NOP56: variants seen among roughly 807,000 people sequenced by gnomAD.
NOP56 encodes NOP56 ribonucleoprotein, also known as nucleolar protein 56.
In NOP56, 31 loss-of-function variants were observed where a neutral mutation model predicts 58.3. That is an observed-to-expected ratio of 0.53 (90% CI 0.40 to 0.72). The LOEUF is 0.72. NOP56 is among the 30% of genes least tolerant of loss of function. The pLI, the probability that NOP56 is intolerant of heterozygous loss-of-function variation, is 0.00. For missense variants in NOP56, 669 were observed against 739.9 expected (o/e 0.90, Z 1.11); for synonymous variants, 313 against 282.8 (o/e 1.11, Z -1.07).
intron 5 of NOP56, 141 bp downstream of exon 5, chr20:2,655,088 G>A (rs776725967): frequency 3.5e-6 from 4 of 1,135,874 alleles, no homozygotes; most frequent in Non-Finnish European, 5.3e-6. Context: ...GCTTACCACA[G>A]GCTGTGTTCT....
Position 2,657,235 on chromosome 20 carries a change from G to A in NOP56, c.1419+17G>A, listed in dbSNP as rs376140077. 10 of 1,613,820 alleles carry A rather than the reference G, an allele frequency of 6.2e-6. No homozygotes were observed. The highest frequency in any genetic ancestry group is 2.2e-5 in the East Asian group (1 of 44,898). On this transcript the variant is annotated intron_variant, in intron 11 of 11. Coordinates refer to ENST00000329276, the MANE Select transcript of NOP56 (RefSeq NM_006392.4). Reference sequence around the variant, plus strand: ...GAGTGTGAGGTCAGTAGGCAGCACGGCCCTGGCAGAGATCCTAGGTTGTAG... The same window carrying A: ...GAGTGTGAGGTCAGTAGGCAGCACGACCCTGGCAGAGATCCTAGGTTGTAG...
Position 2,652,842 on chromosome 20 carries a change from G to A in NOP56, c.4G>A (p.Val2Met). 1 of 1,610,552 alleles carries A rather than the reference G, an allele frequency of 6.2e-7. No individual in the cohort carries two copies. The highest frequency in any genetic ancestry group is 1.1e-5 in the South Asian group (1 of 90,754). Residue 2 changes from valine to methionine, a missense_variant and splice_region_variant, in exon 2 of 12, where the codon GTG becomes ATG. Around this residue, in one of 3 missense-constraint regions of NOP56, gnomAD observed 121 missense variants for 113.1 expected, o/e 1.07. Transcript: ENST00000329276. M[V>M]LLHVLFEHAV... ...GCTCGCGCCCCGGCTCCCGTTCCAG[G>A]TGCTGTTGCACGTGCTGTTTGAGCA... is the stretch of plus-strand genomic sequence containing the variant.
At chr20:2,653,111 GA>G in intron 2 of NOP56, 167 bp from the exon 3 acceptor site, 5 of 779,812 alleles carry the variant, frequency 6.4e-6, no homozygotes, top group Non-Finnish European at 1.0e-5. Context: ...CTAGCAATTA[GA>G]AATAAGCCTC....
At chr20:2,652,723 G>T in intron 1 of NOP56, 60 bp downstream of exon 1, 7 of 1,504,786 alleles carry the variant, frequency 4.7e-6, no homozygotes, top group Non-Finnish European at 6.2e-6. Context: ...CTGCGTTCGG[G>T]CCGCAGACAG....
chr20:2,654,303 A>C, intron 3 of NOP56, 111 bp from the exon 4 acceptor site: 1 of 1,062,634 alleles, frequency 9.4e-7, no homozygotes, highest in Non-Finnish European at 1.5e-6. Context: ...ATGGGGAGGG[A>C]TCTAGGTATG....
chr20:2,654,092 A>C (rs1488208451), intron 3 of NOP56: 1 of 541,002 alleles, frequency 1.8e-6, no homozygotes, highest in Non-Finnish European at 3.6e-6. Context: ...CTGAGAAAAA[A>C]AGGTTTGGTT....
In NOP56 at chr20:2,655,488, C is replaced by G; in HGVS notation, c.733C>G (p.Leu245Val). ...TMDGAKAKAI[L>V]DASRSSMGMD... is the part of the protein sequence containing the mutation. ...GGATGGGGCCAAGGCTAAGGCTATT[C>G]TGGATGCCTCACGGTCCTCCATGGG... is the stretch of plus-strand genomic sequence containing the variant. Residue 245 changes from leucine (L) to valine (V), a missense_variant, in exon 6 of 12, where the codon CTG (leucine) becomes GTG (valine). Physicochemically the swap from Leu to Val is conservative, Grantham distance 32. Around this residue, in one of 3 missense-constraint regions of NOP56, gnomAD observed 339 missense variants for 430.5 expected, o/e 0.79. Transcript: ENST00000329276. 3.1e-6 allele frequency: 5 copies of G among 1,614,204 alleles called. No homozygotes were observed. Among genetic ancestry groups the G allele is most frequent in the Non-Finnish European group, 4.2e-6 (5 of 1,180,028 alleles).
chr20:2,653,799 G>T, intron 3 of NOP56: 1 of 263,744 alleles, frequency 3.8e-6, no homozygotes, highest in Non-Finnish European at 7.6e-6. Context: ...TTACAGGCCT[G>T]TGCCAGCCAC....
chr20:2,653,948 C>G (rs1042581404), intron 3 of NOP56: 3 of 338,548 alleles, frequency 8.9e-6, no homozygotes, highest in Non-Finnish European at 1.8e-5. Flanking sequence ...CGACGGTGCC[C>G]GGCCGACAAA....
rs1174896672 is a variant in NOP56 at position 2,652,835 on chromosome 20, G to T, written c.4-7G>T. ...CGTTGACGCTCGCGCCCCGGCTCCC[G>T]TTCCAGGTGCTGTTGCACGTGCTGT... is the stretch of plus-strand genomic sequence containing the variant. On this transcript the variant is annotated splice_region_variant and splice_polypyrimidine_tract_variant and intron_variant, in intron 1 of 11. Transcript: ENST00000329276. The T allele has an allele frequency of 1.2e-6, 2 of 1,609,500 alleles. No individual in the cohort carries two copies. The highest frequency in any genetic ancestry group is 1.7e-6 in the Non-Finnish European group (2 of 1,178,584).
rs774619340 is a variant in NOP56 at position 2,652,682 on chromosome 20, GC to G, written c.3+20del. The G allele has an allele frequency of 2.0e-4, 137 of 669,228 alleles. 1 individual carries two copies. The Admixed American group carries it at 7.5e-3, about 37-fold the overall frequency. The allele number at this position is 669,228 out of a possible 1,614,324, so 41.5% of individuals were successfully genotyped here. A position where few individuals can be genotyped will look rare whatever the true frequency, so the allele number is the denominator to read the frequency against. On this transcript the variant is annotated intron_variant, in intron 1 of 11. Transcript: ENST00000329276. The stretch of plus-strand genomic sequence containing the variant: ...CGCCATGGTGAGGAGTGGTTGCGGG[GC>G]GCGGGCGACGCGACGGTGGGGGTTT...
chr20:2,653,058 CT>C, intron 2 of NOP56, 127 bp downstream of exon 2: 1 of 901,006 alleles, frequency 1.1e-6, no homozygotes, highest in Non-Finnish European at 1.7e-6. Flanking sequence ...CTGGAAAGCT[CT>C]AGATCCGGGG....
In NOP56 at chr20:2,658,021, C is replaced by G; in HGVS notation, c.1512C>G (p.Ser504=). ...NGMEDPSISF[S]KPKKKKSFSK... Reference sequence around the variant, plus strand: ...TGGAAGACCCATCTATCTCTTTCTCCAAACCCAAGAAAAAGAAATCTTTTT... The same window carrying G: ...TGGAAGACCCATCTATCTCTTTCTCGAAACCCAAGAAAAAGAAATCTTTTT... Residue 504 remains serine, a synonymous_variant, in exon 12 of 12, where the codon TCC becomes TCG. Coordinates refer to ENST00000329276, the MANE Select transcript of NOP56 (RefSeq NM_006392.4). The G allele has an allele frequency of 6.2e-7, 1 of 1,613,228 alleles. No homozygotes were observed. The highest frequency in any genetic ancestry group is 8.5e-7 in the Non-Finnish European group (1 of 1,179,294).
At chr20:2,656,646 C>T (rs1166170968) in intron 9 of NOP56, 97 bp downstream of exon 9, 14 of 1,604,978 alleles carry the variant, frequency 8.7e-6, no homozygotes, top group East Asian at 2.2e-5. Context: ...CAATATTTTT[C>T]GTCAACAGCA....
intron 1 of NOP56, 78 bp from the exon 2 acceptor site, chr20:2,652,764 C>T (rs58146152): frequency 1.6e-6 from 1 of 620,196 alleles, no homozygotes. Flanking sequence ...CCTGCGCCTG[C>T]GCCTGCGCCT....
rs2031038138 is a variant in NOP56 at position 2,655,500 on chromosome 20, C to T, written c.745C>T (p.Arg249Trp). The change falls in exon 6 of 12, where the codon CGG becomes TGG. Residue 249 changes from arginine (R) to tryptophan (W), a missense_variant. By Grantham distance (101) the Arg-to-Trp change is moderately radical. This residue lies in a region of NOP56 where 339 missense variants were observed against 430.5 expected (regional missense o/e 0.79). Transcript: ENST00000329276. ...GGCTAAGGCTATTCTGGATGCCTCA[C>T]GGTCCTCCATGGGTCAGTGCAGAGC... ...AKAKAILDASRSSMGMDISAI... is the reference protein window; with the variant it reads ...AKAKAILDASWSSMGMDISAI... 8 of 1,614,072 alleles carry T rather than the reference C, an allele frequency of 5.0e-6. No homozygotes were observed. The highest frequency in any genetic ancestry group is 1.3e-5 in the African/African-American group (1 of 74,930).
Position 2,653,290 on chromosome 20 carries a change from T to C in NOP56, c.105T>C (p.Ser35=), listed in dbSNP as rs2073194. 1,301,205 of 1,613,246 alleles carry C rather than the reference T, an allele frequency of 0.81. 526,451 individuals carry two copies. The highest frequency in any genetic ancestry group is 0.91 in the Admixed American group (54,720 of 60,010). ...ISLLQPQVEE[S]VLNLGKFHSI... The stretch of plus-strand genomic sequence containing the variant: ...CTTTCTCCCCCCAGGTGGAGGAGTC[T>C]GTGCTCAACCTGGGCAAATTCCACA... The change falls in exon 3 of 12, where the codon TCT becomes TCC. Residue 35 remains serine, a synonymous_variant. Transcript: ENST00000329276.
In NOP56 at chr20:2,653,358, A is replaced by C. The variant is rs556261152; in HGVS notation, c.173A>C (p.Gln58Pro). The C allele has an allele frequency of 2.3e-5, 37 of 1,613,998 alleles. No individual in the cohort carries two copies. Among genetic ancestry groups the C allele is most frequent in the Non-Finnish European group, 3.1e-5 (36 of 1,180,016 alleles). Residue 58 changes from glutamine (Q) to proline (P), a missense_variant, in exon 3 of 12, where the codon CAG becomes CCG. Coordinates refer to ENST00000329276, the MANE Select transcript of NOP56 (RefSeq NM_006392.4). ...LVAFCPFASS[Q>P]VALENANAVS... ...GCCTTTTGTCCCTTTGCCTCATCCC[A>C]GGTTGCCTTGGAAAATGCCAACGCC...
At position 2,656,056 on chromosome 20, in the gene NOP56, C is replaced by T; in HGVS notation, c.1010+22C>T. 3 of 1,614,066 alleles carry T rather than the reference C, an allele frequency of 1.9e-6. No individual in the cohort carries two copies. In the South Asian group the frequency reaches 3.3e-5, roughly 18 times the overall value. ...TCAGGTACCAGTGAGGGCACCTGCC[C>T]ACAATCAGGTGCCACTTCTGGTGCC... On this transcript the variant is annotated intron_variant, in intron 8 of 11. Transcript: ENST00000329276.
Sources: allele counts gnomAD v4.1 joint callset, GRCh38; gene constraint gnomAD v4.1.1; regional missense constraint gnomAD v4.1.1; transcripts MANE v1.5; gene names NCBI Gene and HGNC (gene_info 2026-07-23, HGNC 2026-07-21).